HIVEP3: variants seen among roughly 807,000 people sequenced by gnomAD.
HIVEP3 encodes the protein transcription factor HIVEP3.
HIVEP3 carries 49 observed loss-of-function variants against 152.8 expected under a neutral mutation model. The ratio of observed to expected loss-of-function variants is 0.32; its 90% confidence interval spans 0.26 to 0.41. The LOEUF (loss-of-function observed/expected upper bound fraction) is 0.41. HIVEP3 is among the 10% of genes least tolerant of loss of function. HIVEP3 has a pLI of 1.00. For missense variants in HIVEP3, 2,790 were observed against 3,103.3 expected (o/e 0.90, Z 2.40); for synonymous variants, 1,269 against 1,289.0 (o/e 0.98, Z 0.33).
chr1:41,859,728 A>G (rs1643863802), intron 1 of HIVEP3, among the ~76,000 whole-genome samples: 1 of 152,206 alleles, frequency 6.6e-6, no homozygotes, highest in African/African-American at 2.4e-5. Flanking sequence ...AATCTTTGCC[A>G]ATTTGTTAGG....
At chr1:41,574,214 T>A (rs1644293378) in intron 5 of HIVEP3, among the ~76,000 whole-genome samples, 1 of 151,890 alleles carries the variant, frequency 6.6e-6, no homozygotes, top group African/African-American at 2.4e-5. Context: ...AGGCGCTTCA[T>A]CAATCCTGCC....
At chr1:42,003,001 GT>G (rs944128587) in intron 1 of HIVEP3, among the ~76,000 whole-genome samples, 51 of 151,986 alleles carry the variant, frequency 3.4e-4, no homozygotes, top group African/African-American at 1.2e-3. Flanking sequence ...AGATTTCTGG[GT>G]TTTTTTTGTT....
intron 1 of HIVEP3, among the ~76,000 whole-genome samples, chr1:41,840,108 T>C (rs1643243361): frequency 6.6e-6 from 1 of 152,218 alleles, no homozygotes; most frequent in African/African-American, 2.4e-5. Context: ...CGCCTCCTTT[T>C]ATGAATCAGT....
chr1:41,886,987 A>G (rs1208872978), intron 1 of HIVEP3, among the ~76,000 whole-genome samples: 1 of 151,944 alleles, frequency 6.6e-6, no homozygotes, highest in Non-Finnish European at 1.5e-5. Flanking sequence ...CCTGTATTGT[A>G]GGACCCAAAC....
chr1:41,657,474 G>A (rs892909620), intron 2 of HIVEP3, among the ~76,000 whole-genome samples: 3 of 152,236 alleles, frequency 2.0e-5, no homozygotes, highest in African/African-American at 4.8e-5. Context: ...GGCATGGAAT[G>A]TACCTTCCTC....
At chr1:41,704,787 G>A (rs548692643) in intron 1 of HIVEP3, among the ~76,000 whole-genome samples, 1 of 152,312 alleles carries the variant, frequency 6.6e-6, no homozygotes, top group East Asian at 1.9e-4. Flanking sequence ...TGCAGAAAAG[G>A]AAGCTGAACC....
At chr1:41,825,618 T>TA (rs1642779030) in intron 1 of HIVEP3, among the ~76,000 whole-genome samples, 1 of 151,922 alleles carries the variant, frequency 6.6e-6, no homozygotes, top group African/African-American at 2.4e-5. Context: ...ACTATATATA[T>TA]TTTTTGAAAC....
At chr1:41,866,165 G>A (rs987124049) in intron 1 of HIVEP3, among the ~76,000 whole-genome samples, 7 of 152,212 alleles carry the variant, frequency 4.6e-5, no homozygotes, top group Admixed American at 4.6e-4. Context: ...TGGTCAAAGT[G>A]GGGGGTGCAG....
rs532425985 is a variant in HIVEP3, at chr1:41,986,501, C to T, written n.119+49306G>A. 1.5e-4 allele frequency among the ~76,000 whole-genome samples: 22 copies of T among 147,508 alleles called. No individual in the cohort carries two copies. In the East Asian group the frequency reaches 3.0e-3, roughly 20 times the overall value. On this transcript the variant is annotated intron_variant and non_coding_transcript_variant, in intron 1 of 3. Transcript: ENST00000489103. ...TTTCGCCCAGGCCAGACTGCAGTGG[C>T]GCTATGTCGGCTCACTGCAAGCTCC... is the stretch of plus-strand genomic sequence containing the variant.
chr1:41,580,876 G>T lies in HIVEP3; in HGVS notation c.3922C>A (p.Pro1308Thr). The change falls in exon 4 of 9, where the codon CCT becomes ACT. Residue 1308 changes from proline to threonine, a missense_variant. Coordinates refer to ENST00000372583, the MANE Select transcript of HIVEP3 (RefSeq NM_024503.5). ...APTSAPPLAL[P>T]ACPDTMVSLV... Reference sequence around the variant, plus strand: ...GACACCATGGTGTCTGGACAGGCAGGCAGGGCCAGTGGAGGAGCTGATGTA... The same window carrying T: ...GACACCATGGTGTCTGGACAGGCAGTCAGGGCCAGTGGAGGAGCTGATGTA... The T allele has an allele frequency of 6.2e-7, 1 of 1,608,462 alleles. No individual in the cohort carries two copies. The highest frequency in any genetic ancestry group is 1.1e-5 in the South Asian group (1 of 89,402).
At chr1:41,920,193 A>G (rs1159649977), upstream of HIVEP3, among the ~76,000 whole-genome samples, 1 of 152,160 alleles carries the variant, frequency 6.6e-6, no homozygotes. Flanking sequence ...CGCCCAAGCA[A>G]GCTGGGTCCA....
At position 41,583,205 on chromosome 1, in the gene HIVEP3, G is replaced by A. The variant is rs369367320; in HGVS notation, c.1593C>T (p.Thr531=). 8.8e-5 allele frequency: 141 copies of A among 1,610,370 alleles called. No individual in the cohort carries two copies. The highest frequency in any genetic ancestry group is 1.5e-4 in the Admixed American group (9 of 59,896). Residue 531 remains threonine, a synonymous_variant, in exon 4 of 9, where the codon ACC becomes ACT. Transcript: ENST00000372583. This position sits in a 1 kb window ranked among gnomAD's most constrained non-coding sequence, Gnocchi z 6.9. ...SLLSLQHPPS[T]APPVPLLRSH... is the part of the protein sequence containing the mutation. ...TTCTCAGGAGAGGCACAGGGGGGGC[G>A]GTACTGGGCGGGTGCTGGAGGCTCA...
chr1:41,934,901 G>T lies in HIVEP3; in HGVS notation n.120-16377C>A, dbSNP rs183136612. Among the ~76,000 whole-genome samples, 128 of 152,220 alleles carry T rather than the reference G, an allele frequency of 8.4e-4. 1 individual carries two copies. The highest frequency in any genetic ancestry group is 2.9e-3 in the African/African-American group (120 of 41,532). On this transcript the variant is annotated intron_variant and non_coding_transcript_variant, in intron 1 of 3. Coordinates refer to the HIVEP3 transcript ENST00000489103. ...TGCCACATAGTAAACACCATGGATGGTGAAGAATAAAATAACTCTAGAGGC... is the reference window on the plus strand; with the variant it reads ...TGCCACATAGTAAACACCATGGATGTTGAAGAATAAAATAACTCTAGAGGC...
chr1:41,813,879 C>T (rs1467864037), intron 1 of HIVEP3, among the ~76,000 whole-genome samples: 4 of 152,200 alleles, frequency 2.6e-5, no homozygotes, highest in Admixed American at 2.6e-4. Flanking sequence ...GTGGTGGAGA[C>T]AGTAGCTTCT....
chr1:41,596,226 G>A (rs1000871057), intron 3 of HIVEP3, among the ~76,000 whole-genome samples: 1 of 152,216 alleles, frequency 6.6e-6, no homozygotes, highest in African/African-American at 2.4e-5. Context: ...GTCAGTGACT[G>A]CCCTCTGAAA....
chr1:41,750,234 C>T (rs959933900), intron 1 of HIVEP3, among the ~76,000 whole-genome samples: 1 of 152,254 alleles, frequency 6.6e-6, no homozygotes, highest in Non-Finnish European at 1.5e-5. Flanking sequence ...ACCTACAACA[C>T]CTCGCCAGAT....
intron 3 of HIVEP3, among the ~76,000 whole-genome samples, chr1:41,594,858 CTTCTT>C (rs2149118938): frequency 6.6e-6 from 1 of 152,254 alleles, no homozygotes; most frequent in East Asian, 1.9e-4. Context: ...CCTTTCCTCT[CTTCTT>C]TCCTTTCCAT....
At chr1:41,770,954 G>C (rs541535848) in intron 1 of HIVEP3, among the ~76,000 whole-genome samples, 71 of 152,114 alleles carry the variant, frequency 4.7e-4, no homozygotes, top group African/African-American at 1.7e-3. Flanking sequence ...CATTGTCAAC[G>C]GGGCATTTCT....
intron 1 of HIVEP3, among the ~76,000 whole-genome samples, chr1:41,718,060 C>T (rs544429252): frequency 3.2e-4 from 49 of 152,354 alleles, no homozygotes; most frequent in Admixed American, 7.8e-4. Context: ...ATCAGAATGA[C>T]CGGTATCTTA....
Sources: allele counts gnomAD v4.1 joint callset (sites outside exome capture counted in the v4.1 genomes callset), GRCh38; gene constraint gnomAD v4.1.1; non-coding constraint Gnocchi (gnomAD v3.1); transcripts MANE v1.5; gene names NCBI Gene and HGNC (gene_info 2026-07-23, HGNC 2026-07-21).